MMP26: variants seen among roughly 807,000 people sequenced by gnomAD.
The protein encoded by MMP26 is matrix metallopeptidase 26, also known as matrix metalloproteinase-26.
A neutral mutation model predicts 31.0 loss-of-function variants in MMP26; 33 were observed. The ratio of observed to expected loss-of-function variants is 1.06; its 90% confidence interval spans 0.81 to 1.42. The LOEUF is 1.42. MMP26 is among the 40% of genes most tolerant of loss of function. MMP26 has a pLI of 0.00. For synonymous variants in MMP26, 122 were observed against 114.9 expected (o/e 1.06, Z -0.40); for missense variants, 347 against 316.1 (o/e 1.10, Z -0.74).
intron 2 of MMP26, among the ~76,000 whole-genome samples, chr11:4,836,651 CTTTTTTTTTTTTTT>C (rs71480270): frequency 3.1e-5 from 3 of 95,960 alleles, no homozygotes; most frequent in Admixed American, 2.1e-4. Context: ...TCAAAGACAT[CTTTTTTTTTTTTTT>C]TTTTTTTTTT....
At chr11:4,794,558 C>T (rs1445306069) in intron 2 of MMP26, among the ~76,000 whole-genome samples, 1 of 152,114 alleles carries the variant, frequency 6.6e-6, no homozygotes, top group African/African-American at 2.4e-5. Flanking sequence ...CTTCTCACTG[C>T]ATTTTGTTGC....
chr11:4,777,395 A>G (rs147047530), intron 2 of MMP26, among the ~76,000 whole-genome samples: 3 of 152,260 alleles, frequency 2.0e-5, no homozygotes, highest in East Asian at 3.9e-4. Context: ...ACAGTTGTAT[A>G]CCTAGGTCAT....
At chr11:4,989,934 T>C in intron 4 of MMP26, 66 bp downstream of exon 4, 9 of 1,322,808 alleles carry the variant, frequency 6.8e-6, no homozygotes, top group Non-Finnish European at 9.5e-6. Context: ...TTCTACCAGG[T>C]CTCTCCTGGA....
At chr11:4,836,581 A>G (rs1012717803) in intron 2 of MMP26, among the ~76,000 whole-genome samples, 1 of 151,642 alleles carries the variant, frequency 6.6e-6, no homozygotes, top group African/African-American at 2.4e-5. Flanking sequence ...ACTTAGAAGT[A>G]AAAACTATTG....
At chr11:4,791,949 G>C (rs1342221890) in intron 2 of MMP26, among the ~76,000 whole-genome samples, 1 of 151,760 alleles carries the variant, frequency 6.6e-6, no homozygotes, top group Non-Finnish European at 1.5e-5. Context: ...TGGGTCTTTA[G>C]AAAAGCATAA....
At position 4,858,273 on chromosome 11, in the gene MMP26, A is replaced by G. The variant is rs185020244; in HGVS notation, c.-145+90932A>G. On this transcript the variant is annotated intron_variant, in intron 2 of 7. Transcript: ENST00000380390. Reference sequence around the variant, plus strand: ...ATAAAAGGTATTCAATTAGGAAAAGAGGAAATCAAATTGTCCCTGTTTGCA... The same window carrying G: ...ATAAAAGGTATTCAATTAGGAAAAGGGGAAATCAAATTGTCCCTGTTTGCA... Among the ~76,000 whole-genome samples the G allele has an allele frequency of 7.6e-3, 1,157 of 152,330 alleles. 12 individuals carry two copies. Among genetic ancestry groups the G allele is most frequent in the African/African-American group, 0.027 (1,128 of 41,576 alleles).
At chr11:4,737,567 C>T (rs552749972) in intron 1 of MMP26, among the ~76,000 whole-genome samples, 8 of 152,264 alleles carry the variant, frequency 5.3e-5, no homozygotes, top group Admixed American at 1.3e-4. Flanking sequence ...CGCTTGAACC[C>T]GGGAGGCGGA....
chr11:4,757,930 T>A (rs986610773), intron 1 of MMP26, among the ~76,000 whole-genome samples: 1 of 152,158 alleles, frequency 6.6e-6, no homozygotes, highest in Non-Finnish European at 1.5e-5. Context: ...ACAGCCACTT[T>A]GAAAAACAGA....
chr11:4,938,854 A>G (rs1846167877), intron 2 of MMP26, among the ~76,000 whole-genome samples: 1 of 152,054 alleles, frequency 6.6e-6, no homozygotes. Context: ...AAAATAAAAA[A>G]ACCTTTAGAA....
At chr11:4,867,387 C>CTTTTTTTT (rs3065176) in intron 2 of MMP26, among the ~76,000 whole-genome samples, 4 of 98,296 alleles carry the variant, frequency 4.1e-5, no homozygotes, top group South Asian at 4.3e-4. Context: ...AGATGCTGTC[C>CTTTTTTTT]TTTTTTTTTT....
intron 2 of MMP26, among the ~76,000 whole-genome samples, chr11:4,865,556 C>G (rs959642402): frequency 6.6e-6 from 1 of 152,070 alleles, no homozygotes; most frequent in Non-Finnish European, 1.5e-5. Context: ...AAAAATACCA[C>G]TCTCCCACCA....
chr11:4,849,238 C>A (rs753574667), intron 2 of MMP26: 1 of 1,559,216 alleles, frequency 6.4e-7, no homozygotes, highest in South Asian at 1.2e-5. Flanking sequence ...AACTCTGGAA[C>A]CTGAAAAATG....
chr11:4,745,646 T>G (rs1848370062), intron 1 of MMP26, among the ~76,000 whole-genome samples: 1 of 152,210 alleles, frequency 6.6e-6, no homozygotes, highest in Non-Finnish European at 1.5e-5. Context: ...TATGGTTTAC[T>G]GTTGGTGTTG....
In MMP26 at chr11:4,988,099, A is replaced by T; in HGVS notation, c.-113A>T. ...ATGATGACGCCACTCACAGATTCAAAGAAAGGGCAAACTGGCAGAGTGAGT... is the reference window on the plus strand; with the variant it reads ...ATGATGACGCCACTCACAGATTCAATGAAAGGGCAAACTGGCAGAGTGAGT... On this transcript the variant is annotated 5_prime_UTR_variant, in exon 3 of 8. The change creates a new upstream start codon in the 5' untranslated region. Coordinates refer to ENST00000380390, the MANE Select transcript of MMP26 (RefSeq NM_021801.5). 1.1e-6 allele frequency: 1 copy of T among 950,798 alleles called. No homozygotes were observed. Among genetic ancestry groups the T allele is most frequent in the Non-Finnish European group, 1.7e-6 (1 of 581,530 alleles). The allele number at this position is 950,798 out of a possible 1,614,324, so 58.9% of individuals were successfully genotyped here.
rs1388864718 is a variant in MMP26 at position 4,948,267 on chromosome 11, T to C, written c.-144-39801T>C. Among the ~76,000 whole-genome samples the C allele has an allele frequency of 1.6e-5, 2 of 125,106 alleles. 1 individual carries two copies. The highest frequency in any genetic ancestry group is 1.8e-4 in the Admixed American group (2 of 11,270). 82.1% of individuals were successfully genotyped at this position (125,106 alleles called of 152,430 possible). On this transcript the variant is annotated intron_variant, in intron 2 of 7. Coordinates refer to ENST00000380390, the MANE Select transcript of MMP26 (RefSeq NM_021801.5). ...CAATATTTCTTAGAAAATTAAATTGTTTTACTTACTGAGTTCCATTACCAG... is the reference window on the plus strand; with the variant it reads ...CAATATTTCTTAGAAAATTAAATTGCTTTACTTACTGAGTTCCATTACCAG...
rs1322751808 is a variant in MMP26 at position 4,968,916 on chromosome 11, A to AATTACC, written c.-144-19151_-144-19146dup. Among the ~76,000 whole-genome samples, 29 of 152,106 alleles carry AATTACC rather than the reference A, an allele frequency of 1.9e-4. No individual in the cohort carries two copies. The East Asian group carries it at 5.0e-3, about 26-fold the overall frequency. Reference sequence around the variant, plus strand: ...TTAGAATGAAATTACTTTAGAATACAATTACCTTTTTCTTTCCTAAACAAC... The same window carrying AATTACC: ...TTAGAATGAAATTACTTTAGAATACAATTACCATTACCTTTTTCTTTCCTAAACAAC... On this transcript the variant is annotated intron_variant, in intron 2 of 7. Coordinates refer to ENST00000380390, the MANE Select transcript of MMP26 (RefSeq NM_021801.5).
At chr11:4,848,782 G>A (rs1849923394) in intron 2 of MMP26, 4 of 1,613,986 alleles carry the variant, frequency 2.5e-6, no homozygotes, top group South Asian at 1.1e-5. Flanking sequence ...TTGGTGAGGA[G>A]CGCTGGGTAG....
At chr11:4,788,644 A>G (rs542198842) in intron 2 of MMP26, among the ~76,000 whole-genome samples, 1 of 152,160 alleles carries the variant, frequency 6.6e-6, no homozygotes, top group Non-Finnish European at 1.5e-5. Flanking sequence ...CACAGTTGGC[A>G]TTGTCAAAAG....
chr11:4,964,949 A>G (rs181429484), intron 2 of MMP26, among the ~76,000 whole-genome samples: 241 of 152,296 alleles, frequency 1.6e-3, no homozygotes, highest in African/African-American at 5.5e-3. Flanking sequence ...AGAAAGAATT[A>G]GGAAGAATAG....
Sources: allele counts gnomAD v4.1 joint callset (sites outside exome capture counted in the v4.1 genomes callset), GRCh38; gene constraint gnomAD v4.1.1; transcripts MANE v1.5; gene names NCBI Gene and HGNC (gene_info 2026-07-23, HGNC 2026-07-21).